The following CLIP2 variants were observed in gnomAD, a reference collection of about 807,000 sequenced individuals.
CLIP2 encodes CAP-Gly domain-containing linker protein 2.
In CLIP2, 41 loss-of-function variants were observed where a neutral mutation model predicts 111.7. The observed-to-expected ratio is 0.37, with a 90% CI of 0.29 to 0.48. The LOEUF is 0.48. Ranked by LOEUF, CLIP2 falls within the 20% of genes least tolerant of loss-of-function variation. The pLI is 0.99. For missense variants in CLIP2, 1,160 were observed against 1,422.1 expected (o/e 0.82, Z 2.96); for synonymous variants, 660 against 644.2 (o/e 1.02, Z -0.37).
intron 2 of CLIP2, among the ~76,000 whole-genome samples, chr7:74,324,571 A>C (rs1199651792): frequency 6.6e-5 from 10 of 151,890 alleles, no homozygotes; most frequent in African/African-American, 2.4e-4. Flanking sequence ...GAGAATCCCC[A>C]ATTGACAGGG....
chr7:74,405,150 CCTG>C lies in CLIP2; in HGVS notation c.*1305_*1307del, dbSNP rs1356822395. 1 of 152,196 alleles carries C rather than the reference CCTG, an allele frequency of 6.6e-6. No homozygotes were observed. Among genetic ancestry groups the C allele is most frequent in the East Asian group, 1.9e-4 (1 of 5,190 alleles). The allele number at this position is 152,196 out of a possible 1,614,324, so 9.4% of individuals were successfully genotyped here. A position where few individuals can be genotyped will look rare whatever the true frequency, so the allele number is the denominator to read the frequency against. ...CTCGCCCTGCCATCTTCCCCTCAAGCCTGCTAAGTTATCCCAGGCCTGTGCGTG... is the reference window on the plus strand; with the variant it reads ...CTCGCCCTGCCATCTTCCCCTCAAGCCTAAGTTATCCCAGGCCTGTGCGTG... On this transcript the variant is annotated 3_prime_UTR_variant, in exon 17 of 17. Transcript: ENST00000223398.
chr7:74,322,345 C>T (rs1452549857), intron 2 of CLIP2, among the ~76,000 whole-genome samples: 1 of 151,222 alleles, frequency 6.6e-6, no homozygotes, highest in Non-Finnish European at 1.5e-5. Context: ...GGTGCTCATG[C>T]CTGTAATCCC....
intron 1 of CLIP2, among the ~76,000 whole-genome samples, chr7:74,304,028 C>T (rs1788409569): frequency 6.6e-6 from 1 of 151,910 alleles, no homozygotes; most frequent in Admixed American, 6.6e-5. Context: ...ATCCTCCCAC[C>T]TTAGCCTCCT....
intron 9 of CLIP2, 82 bp downstream of exon 9, chr7:74,373,118 ACT>A (rs1462403258): frequency 2.6e-6 from 2 of 755,654 alleles, no homozygotes; most frequent in Admixed American, 2.7e-5. Context: ...TTCATTATTG[ACT>A]CTCTTTCTTT....
At chr7:74,315,902 T>C (rs1554729084) in intron 1 of CLIP2, among the ~76,000 whole-genome samples, 1 of 151,078 alleles carries the variant, frequency 6.6e-6, no homozygotes, top group Non-Finnish European at 1.5e-5. Flanking sequence ...TTTTAAATTC[T>C]GGGATACATG....
rs1190274854 is a variant in CLIP2, at chr7:74,289,467, G to C, written c.-335G>C. The C allele has an allele frequency of 6.6e-6, 1 of 150,714 alleles. No homozygotes were observed. The highest frequency in any genetic ancestry group is 2.4e-5 in the African/African-American group (1 of 41,256). The allele number at this position is 150,714 out of a possible 1,614,324, so 9.3% of individuals were successfully genotyped here. On this transcript the variant is annotated 5_prime_UTR_variant, in exon 1 of 17. Transcript: ENST00000223398. ...CGCTGGCTCCGCTGGCTCCGCGGGCGCTCAGCTCGGCTCGGCCGCGGGGCG... is the reference window on the plus strand; with the variant it reads ...CGCTGGCTCCGCTGGCTCCGCGGGCCCTCAGCTCGGCTCGGCCGCGGGGCG...
intron 3 of CLIP2, among the ~76,000 whole-genome samples, chr7:74,339,547 C>G (rs1789595868): frequency 6.6e-6 from 1 of 152,030 alleles, no homozygotes; most frequent in Non-Finnish European, 1.5e-5. Context: ...CTCAGGTGAT[C>G]CACCCGCCTT....
chr7:74,305,865 A>AC (rs1788472143), intron 1 of CLIP2, among the ~76,000 whole-genome samples: 1 of 75,078 alleles, frequency 1.3e-5, no homozygotes, highest in Non-Finnish European at 2.2e-5. Context: ...ACCCCCCCCC[A>AC]CCGCCCCTGC....
intron 7 of CLIP2, among the ~76,000 whole-genome samples, chr7:74,363,613 G>T (rs1314785542): frequency 6.6e-6 from 1 of 152,178 alleles, no homozygotes; most frequent in Non-Finnish European, 1.5e-5. Context: ...AGCTGGGCGC[G>T]GAGGCTCACG....
chr7:74,393,689 C>T (rs1420050460), intron 13 of CLIP2, among the ~76,000 whole-genome samples: 1 of 152,192 alleles, frequency 6.6e-6, no homozygotes. Flanking sequence ...CACAGACATC[C>T]TTTTGTAAAA....
At chr7:74,384,617 T>C (rs1446210584) in intron 11 of CLIP2, among the ~76,000 whole-genome samples, 2 of 151,592 alleles carry the variant, frequency 1.3e-5, no homozygotes, top group East Asian at 2.0e-4. Flanking sequence ...GGCTAATTTT[T>C]GTATTTTTAG....
At chr7:74,335,670 CCTTCCTTG>C (rs782733605) in intron 2 of CLIP2, among the ~76,000 whole-genome samples, 7,547 of 147,100 alleles carry the variant, frequency 0.051, 304 homozygotes, top group Non-Finnish European at 0.079. Flanking sequence ...TTCCTTCCTT[CCTTCCTTG>C]CTTCCTTCCT....
At chr7:74,314,098 C>T (rs1554728831) in intron 1 of CLIP2, among the ~76,000 whole-genome samples, 1 of 150,560 alleles carries the variant, frequency 6.6e-6, no homozygotes, top group African/African-American at 2.4e-5. Context: ...AGAAGAATTG[C>T]TTGAAACCAG....
intron 2 of CLIP2, among the ~76,000 whole-genome samples, chr7:74,332,774 T>TA (rs1789329084): frequency 6.6e-6 from 1 of 152,176 alleles, no homozygotes; most frequent in Admixed American, 6.6e-5. Flanking sequence ...CTTCCTCAGT[T>TA]ACGCACATGG....
At chr7:74,317,710 A>G (rs1554729332) in intron 2 of CLIP2, 43 bp downstream of exon 2, 2 of 1,380,780 alleles carry the variant, frequency 1.4e-6, no homozygotes, top group Non-Finnish European at 9.4e-7. Context: ...GACTGGCTAC[A>G]TGGGATGAGT....
chr7:74,402,538 A>T (rs1389344885), intron 16 of CLIP2, among the ~76,000 whole-genome samples: 2 of 152,062 alleles, frequency 1.3e-5, no homozygotes, highest in Non-Finnish European at 2.9e-5. Context: ...TAAAAATTTT[A>T]AAAATTAGCT....
chr7:74,389,144 G>A lies in CLIP2; in HGVS notation c.2605G>A (p.Ala869Thr), dbSNP rs1554315339. 7.4e-6 allele frequency: 12 copies of A among 1,613,294 alleles called. No homozygotes were observed. The highest frequency in any genetic ancestry group is 4.5e-5 in the East Asian group (2 of 44,836). Residue 869 changes from alanine to threonine, a missense_variant, in exon 13 of 17, where the codon GCC (alanine) becomes ACC (threonine). By Grantham distance (58) the Ala-to-Thr change is moderately conservative. Coordinates refer to ENST00000223398, the MANE Select transcript of CLIP2 (RefSeq NM_003388.5). ...KCKSGEKKVD[A>T]LLKEKRRLEA... ...TAAGTCAGGCGAGAAGAAGGTGGAC[G>A]CCCTCCTGAAGGAGAAGCGGCGCCT... is the stretch of plus-strand genomic sequence containing the variant.
At chr7:74,380,522 T>C (rs1233618361) in intron 10 of CLIP2, 2 of 256,824 alleles carry the variant, frequency 7.8e-6, no homozygotes, top group East Asian at 1.4e-4. Context: ...ATCTGTTTAA[T>C]ATAATAAACA....
intron 14 of CLIP2, among the ~76,000 whole-genome samples, chr7:74,399,339 A>G (rs1554317174): frequency 6.6e-6 from 1 of 151,864 alleles, no homozygotes; most frequent in East Asian, 1.9e-4. Context: ...GGAGTTCGAG[A>G]CCAGCCTGGA....
Sources: gnomAD v4.1 joint callset for allele counts (sites outside exome capture counted in the v4.1 genomes callset) on GRCh38, gnomAD v4.1.1 for gene constraint, MANE v1.5 for transcripts, NCBI Gene and HGNC (gene_info 2026-07-23, HGNC 2026-07-21) for gene names.